Variants in LUC7L observed in about 807,000 individuals in gnomAD.
LUC7L encodes putative RNA-binding protein Luc7-like 1.
LUC7L carries 29 observed loss-of-function variants against 51.1 expected under a neutral mutation model. The ratio of observed to expected loss-of-function variants is 0.57; its 90% CI spans 0.42 to 0.77. LUC7L has a LOEUF of 0.77. LUC7L is among the 30% of genes least tolerant of loss of function. LUC7L has a pLI of 0.00. For synonymous variants in LUC7L, 181 were observed against 180.7 expected (o/e 1.00, Z -0.01); for missense variants, 403 against 511.9 (o/e 0.79, Z 2.05).
intron 5 of LUC7L, among the ~76,000 whole-genome samples, chr16:199,482 C>G (rs905940601): frequency 6.6e-6 from 1 of 152,070 alleles, no homozygotes; most frequent in Admixed American, 6.6e-5. Flanking sequence ...GTCAAGAGAT[C>G]AAGACCAGGC....
chr16:220,809 G>A (rs2142109647), intron 2 of LUC7L, 62 bp from the exon 3 acceptor site: 13 of 1,040,522 alleles, frequency 1.2e-5, no homozygotes, highest in East Asian at 4.8e-5. Flanking sequence ...AGCACACAAC[G>A]CGACTTGGTG....
At chr16:197,580 T>C (rs1567175250) in intron 6 of LUC7L, among the ~76,000 whole-genome samples, 1 of 152,220 alleles carries the variant, frequency 6.6e-6, no homozygotes, top group Non-Finnish European at 1.5e-5. Flanking sequence ...ACATTGCTTT[T>C]CAAAATTCTC....
rs1173913495 is a variant in LUC7L at position 190,588 on chromosome 16, A to C, written c.777-18T>G. The stretch of plus-strand genomic sequence containing the variant: ...ATCCCGACCTAAAAGGGGGAAAAAA[A>C]GATGAACAAGGCCAGGCATGGTGGC... On this transcript the variant is annotated intron_variant, in intron 7 of 9. Transcript: ENST00000293872. 2 of 1,611,898 alleles carry C rather than the reference A, an allele frequency of 1.2e-6. No homozygotes were observed. Among genetic ancestry groups the C allele is most frequent in the African/African-American group, 1.3e-5 (1 of 74,882 alleles).
intron 7 of LUC7L, among the ~76,000 whole-genome samples, 160 bp downstream of exon 7, chr16:192,767 T>C (rs917057842): frequency 1.3e-5 from 2 of 152,218 alleles, no homozygotes; most frequent in Admixed American, 1.3e-4. Context: ...CCTCCCAAAC[T>C]GACAGGATTA....
At chr16:191,736 T>G (rs567804490) in intron 7 of LUC7L, among the ~76,000 whole-genome samples, 85 of 152,164 alleles carry the variant, frequency 5.6e-4, no homozygotes, top group African/African-American at 2.0e-3. Context: ...TCCCAGCTAC[T>G]TGGGAGGCAG....
intron 9 of LUC7L, chr16:189,565 A>T (rs2048953920): frequency 7.2e-7 from 1 of 1,385,026 alleles, no homozygotes. Context: ...CTTCACTGTA[A>T]CATAAACAGT....
In LUC7L at chr16:221,427, C is replaced by T. The variant is rs1269972903; in HGVS notation, c.157-680G>A. Among the ~76,000 whole-genome samples the T allele has an allele frequency of 2.6e-5, 4 of 151,874 alleles. 1 individual carries two copies. Among genetic ancestry groups the T allele is most frequent in the Admixed American group, 2.0e-4 (3 of 15,230 alleles). ...GGGATAGGAAACGGCCAGGGCTGGGCGTGGTGGCTCACGCCTGTAATCCCA... is the reference window on the plus strand; with the variant it reads ...GGGATAGGAAACGGCCAGGGCTGGGTGTGGTGGCTCACGCCTGTAATCCCA... On this transcript the variant is annotated intron_variant, in intron 2 of 9. Coordinates refer to ENST00000293872, the MANE Select transcript of LUC7L (RefSeq NM_201412.3).
intron 3 of LUC7L, among the ~76,000 whole-genome samples, chr16:216,032 G>C (rs1187000816): frequency 6.6e-6 from 1 of 151,642 alleles, no homozygotes. Flanking sequence ...ATGGGATTTC[G>C]CTCTTGTTGC....
In LUC7L at chr16:199,054, G is replaced by A; in HGVS notation, c.687+8C>T. ...TCCTCAGCTTTCTCCAGAAACAGATGAACATACCCTCAACTGATCAAGCTT... is the reference window on the plus strand; with the variant it reads ...TCCTCAGCTTTCTCCAGAAACAGATAAACATACCCTCAACTGATCAAGCTT... On this transcript the variant is annotated splice_region_variant and intron_variant, in intron 6 of 9. Coordinates refer to ENST00000293872, the MANE Select transcript of LUC7L (RefSeq NM_201412.3). 4 of 1,583,330 alleles carry A rather than the reference G, an allele frequency of 2.5e-6. No individual in the cohort carries two copies. Among genetic ancestry groups the A allele is most frequent in the Non-Finnish European group, 3.5e-6 (4 of 1,158,710 alleles).
At chr16:193,037 T>A in intron 6 of LUC7L, 22 bp from the exon 7 acceptor site, 2 of 1,593,822 alleles carry the variant, frequency 1.3e-6, no homozygotes, top group Non-Finnish European at 1.7e-6. Context: ...AAACAAAAAA[T>A]GAGGAAGAGC....
chr16:227,579 G>A, intron 1 of LUC7L: 1 of 1,320,876 alleles, frequency 7.6e-7, no homozygotes, highest in Non-Finnish European at 9.7e-7. Context: ...TACCAAAGAA[G>A]TCAAGGAGTC....
intron 2 of LUC7L, 119 bp from the exon 3 acceptor site, chr16:220,866 T>C (rs1020742527): frequency 1.5e-6 from 1 of 666,550 alleles, no homozygotes; most frequent in African/African-American, 1.8e-5. Flanking sequence ...ACACTGACAC[T>C]GCAATAAGAA....
intron 3 of LUC7L, among the ~76,000 whole-genome samples, chr16:214,074 TG>T (rs1308941655): frequency 1.3e-5 from 2 of 151,416 alleles, no homozygotes; most frequent in African/African-American, 4.9e-5. Flanking sequence ...CATGAGCAAT[TG>T]TTTTTTTTTT....
At chr16:225,772 A>G (rs2050114830) in intron 2 of LUC7L, among the ~76,000 whole-genome samples, 1 of 151,406 alleles carries the variant, frequency 6.6e-6, no homozygotes, top group Admixed American at 6.6e-5. Flanking sequence ...GGCGTGAGCC[A>G]CCGCACCCAG....
chr16:229,434 G>C lies in LUC7L; in HGVS notation c.-95C>G. 1 of 1,139,956 alleles carries C rather than the reference G, an allele frequency of 8.8e-7. No individual in the cohort carries two copies. Among genetic ancestry groups the C allele is most frequent in the Non-Finnish European group, 1.2e-6 (1 of 847,070 alleles). The allele number at this position is 1,139,956 out of a possible 1,614,324, so 70.6% of individuals were successfully genotyped here. A position where few individuals can be genotyped will look rare whatever the true frequency, so the allele number is the denominator to read the frequency against. On this transcript the variant is annotated 5_prime_UTR_variant, in exon 1 of 10. Transcript: ENST00000293872. ...CAAACGATGGTCGCGTCGGCCTCGA[G>C]CCCACTCGGCTCTTTCCCGCCGCGG...
At chr16:210,870 T>C (rs2049618355) in intron 3 of LUC7L, among the ~76,000 whole-genome samples, 1 of 148,140 alleles carries the variant, frequency 6.8e-6, no homozygotes, top group African/African-American at 2.5e-5. Context: ...GCTAACACAG[T>C]GAAACCCCGT....
intron 2 of LUC7L, among the ~76,000 whole-genome samples, chr16:221,799 G>A (rs754497348): frequency 2.0e-4 from 31 of 152,184 alleles, no homozygotes; most frequent in Non-Finnish European, 1.0e-4. Flanking sequence ...TGAGATGCTC[G>A]ATGCTTAAGA....
intron 4 of LUC7L, among the ~76,000 whole-genome samples, chr16:207,797 C>T (rs1230112004): frequency 6.6e-6 from 1 of 152,198 alleles, no homozygotes; most frequent in East Asian, 1.9e-4. Context: ...ATCACGAGGT[C>T]AGGAGATCAA....
chr16:225,509 A>T (rs113124551), intron 2 of LUC7L, among the ~76,000 whole-genome samples: 1 of 115,728 alleles, frequency 8.6e-6, no homozygotes, highest in East Asian at 2.7e-4. Flanking sequence ...TTTTTGAGAC[A>T]GAGTTTTGCT....
Sources: allele counts gnomAD v4.1 joint callset (sites outside exome capture counted in the v4.1 genomes callset), GRCh38; gene constraint gnomAD v4.1.1; transcripts MANE v1.5; gene names NCBI Gene and HGNC (gene_info 2026-07-23, HGNC 2026-07-21).